The following FHIT variants were observed in gnomAD, a reference collection of about 807,000 sequenced individuals.
FHIT encodes the protein bis(5'-adenosyl)-triphosphatase.
In FHIT, 19 loss-of-function variants were observed where a neutral mutation model predicts 17.9. The ratio of observed to expected loss-of-function variants is 1.06; its 90% CI spans 0.74 to 1.56. FHIT has a LOEUF of 1.56. FHIT is among the 40% of genes most tolerant of loss of function. The pLI is 0.00. For synonymous variants in FHIT, 81 were observed against 69.7 expected, an observed-to-expected ratio of 1.16 and a Z score of -0.81; for missense variants, 248 against 189.2, an observed-to-expected ratio of 1.31 and a Z score of -1.82.
intron 5 of FHIT, among the ~76,000 whole-genome samples, chr3:60,473,943 A>G (rs2033217368): frequency 1.3e-5 from 2 of 152,136 alleles, no homozygotes; most frequent in South Asian, 4.2e-4. Context: ...AGAAAAAAAG[A>G]AAACCTAACC....
intron 7 of FHIT, among the ~76,000 whole-genome samples, chr3:60,000,869 A>T (rs1699704452): frequency 6.6e-6 from 1 of 151,022 alleles, no homozygotes; most frequent in African/African-American, 2.4e-5. Flanking sequence ...TCCTGCTGCC[A>T]CTCTCCCTAC....
At chr3:60,123,967 AATATATATATATAT>A (rs1176212050) in intron 5 of FHIT, among the ~76,000 whole-genome samples, 560 of 27,694 alleles carry the variant, frequency 0.02, 73 homozygotes, top group Middle Eastern at 0.048. Context: ...ATGCACTAAA[AATATATATATATAT>A]ATATATATAT....
At chr3:60,076,934 G>A (rs1436265293) in intron 5 of FHIT, among the ~76,000 whole-genome samples, 1 of 151,990 alleles carries the variant, frequency 6.6e-6, no homozygotes, top group Non-Finnish European at 1.5e-5. Flanking sequence ...AACAATAACT[G>A]AAAACAATTT....
chr3:60,467,238 G>T (rs1419414572), intron 5 of FHIT, among the ~76,000 whole-genome samples: 1 of 110,532 alleles, frequency 9.0e-6, no homozygotes, highest in Non-Finnish European at 1.7e-5. Flanking sequence ...AATTTTATTT[G>T]GGTCTTCTCT....
chr3:60,541,002 G>T (rs934757542), intron 4 of FHIT, among the ~76,000 whole-genome samples: 2 of 152,116 alleles, frequency 1.3e-5, no homozygotes, highest in African/African-American at 4.8e-5. Flanking sequence ...GAAACTCTGG[G>T]ACAAGGGCCC....
chr3:61,082,220 C>T (rs2035162590), intron 2 of FHIT, among the ~76,000 whole-genome samples: 1 of 152,148 alleles, frequency 6.6e-6, no homozygotes, highest in Admixed American at 6.5e-5. Flanking sequence ...ATCCTAGAAG[C>T]ACATTTCATA....
chr3:60,230,749 T>C (rs983140338), intron 5 of FHIT, among the ~76,000 whole-genome samples: 5 of 152,208 alleles, frequency 3.3e-5, no homozygotes, highest in African/African-American at 1.2e-4. Flanking sequence ...TCACTCTGTC[T>C]GCTCAGGATG....
intron 7 of FHIT, among the ~76,000 whole-genome samples, chr3:60,007,839 T>C (rs998326577): frequency 6.6e-6 from 1 of 151,642 alleles, no homozygotes; most frequent in African/African-American, 2.4e-5. Context: ...TCCTCTGGAA[T>C]GAAGGTCTTA....
intron 3 of FHIT, among the ~76,000 whole-genome samples, chr3:60,895,594 A>C (rs1705749500): frequency 6.6e-6 from 1 of 152,084 alleles, no homozygotes; most frequent in South Asian, 2.1e-4. Flanking sequence ...CACAGCAATT[A>C]GTTGGTTTTC....
At chr3:59,852,423 G>A (rs1044389971) in intron 8 of FHIT, among the ~76,000 whole-genome samples, 6 of 152,040 alleles carry the variant, frequency 3.9e-5, no homozygotes, top group Admixed American at 2.0e-4. Flanking sequence ...AGTAAGGTAC[G>A]GAGATAGCCC....
intron 5 of FHIT, among the ~76,000 whole-genome samples, chr3:60,377,871 G>A (rs1700639040): frequency 6.6e-6 from 1 of 152,088 alleles, no homozygotes; most frequent in Non-Finnish European, 1.5e-5. Context: ...TTTAGGGAGG[G>A]GGCACAAAGG....
chr3:60,346,084 C>G (rs1453278169), intron 5 of FHIT, among the ~76,000 whole-genome samples: 1 of 152,168 alleles, frequency 6.6e-6, no homozygotes, highest in African/African-American at 2.4e-5. Flanking sequence ...AGAGAAAGTC[C>G]TGGCTAGGGA....
chr3:61,239,699 G>A (rs1451887182), intron 1 of FHIT, among the ~76,000 whole-genome samples: 3 of 143,082 alleles, frequency 2.1e-5, no homozygotes, highest in Non-Finnish European at 4.5e-5. Flanking sequence ...AACAATCTAC[G>A]AAGTGGGTAC....
chr3:60,505,407 C>G (rs1161370942), intron 5 of FHIT, among the ~76,000 whole-genome samples: 4 of 152,110 alleles, frequency 2.6e-5, no homozygotes, highest in Non-Finnish European at 1.5e-5. Context: ...TAAGTGGTAG[C>G]TGTTATTACT....
chr3:59,799,542 G>A (rs1335786948), intron 8 of FHIT, among the ~76,000 whole-genome samples: 2 of 152,192 alleles, frequency 1.3e-5, no homozygotes, highest in African/African-American at 4.8e-5. Context: ...GAAACCAGCT[G>A]GCACCTGTGC....
At chr3:60,609,605 ATGAGCCACCGCGCCC>A (rs1367517744) in intron 4 of FHIT, among the ~76,000 whole-genome samples, 10 of 152,118 alleles carry the variant, frequency 6.6e-5, no homozygotes, top group Non-Finnish European at 1.2e-4. Flanking sequence ...AATTACAGGC[ATGAGCCACCGCGCCC>A]AGCCCTTAGC....
At chr3:59,956,283 T>C (rs1169355033) in intron 7 of FHIT, among the ~76,000 whole-genome samples, 1 of 152,098 alleles carries the variant, frequency 6.6e-6, no homozygotes, top group Non-Finnish European at 1.5e-5. Flanking sequence ...CTCACATCTG[T>C]AATCCCAGCA....
intron 7 of FHIT, among the ~76,000 whole-genome samples, chr3:59,942,024 C>T (rs1366874656): frequency 6.6e-6 from 1 of 152,176 alleles, no homozygotes; most frequent in East Asian, 1.9e-4. Context: ...TTCTAAAGCC[C>T]TGAGAACTGG....
At chr3:60,731,191 G>A (rs576728931) in intron 4 of FHIT, among the ~76,000 whole-genome samples, 2 of 152,104 alleles carry the variant, frequency 1.3e-5, no homozygotes, top group East Asian at 3.9e-4. Flanking sequence ...GTTACTGGCC[G>A]AACATATCTG....
Sources: allele counts gnomAD v4.1 joint callset (sites outside exome capture counted in the v4.1 genomes callset), GRCh38; gene constraint gnomAD v4.1.1; transcripts MANE v1.5; gene names NCBI Gene and HGNC (gene_info 2026-07-23, HGNC 2026-07-21).